The following PDE1A variants were observed in gnomAD, a reference collection of about 807,000 sequenced individuals.
PDE1A encodes the protein dual specificity calcium/calmodulin-dependent 3',5'-cyclic nucleotide phosphodiesterase 1A.
PDE1A carries 35 observed loss-of-function variants against 61.7 expected under a neutral mutation model. The observed-to-expected ratio is 0.57, with a 90% CI of 0.43 to 0.75. PDE1A has a LOEUF of 0.75. PDE1A is among the 30% of genes least tolerant of loss of function. The pLI is 0.00. For missense variants in PDE1A, 597 were observed against 630.6 expected, an observed-to-expected ratio of 0.95 and a Z score of 0.57; for synonymous variants, 232 against 213.2, an observed-to-expected ratio of 1.09 and a Z score of -0.77.
intron 1 of PDE1A, among the ~76,000 whole-genome samples, chr2:182,398,673 C>T (rs575351763): frequency 6.6e-6 from 1 of 152,114 alleles, no homozygotes; most frequent in South Asian, 2.1e-4. Context: ...CCACAAGTGA[C>T]TACTTATATA....
chr2:182,150,350 A>G (rs1414903450), intron 13 of PDE1A, among the ~76,000 whole-genome samples: 1 of 152,148 alleles, frequency 6.6e-6, no homozygotes, highest in Non-Finnish European at 1.5e-5. Flanking sequence ...TCTACAATGC[A>G]GATCATAAAT....
chr2:182,530,365 A>C, the PDE1A span, among the ~76,000 whole-genome samples: 1 of 152,148 alleles, frequency 6.6e-6, no homozygotes, highest in Non-Finnish European at 1.5e-5. Context: ...GGGAAAACTC[A>C]AAGAAATAAT....
chr2:182,214,419 A>G (rs1389838082), intron 7 of PDE1A, among the ~76,000 whole-genome samples: 1 of 151,866 alleles, frequency 6.6e-6, no homozygotes, highest in Non-Finnish European at 1.5e-5. Flanking sequence ...TAACAATATT[A>G]ACTTTAAATG....
chr2:182,362,168 A>C (rs1188140023), intron 1 of PDE1A, among the ~76,000 whole-genome samples: 1 of 152,058 alleles, frequency 6.6e-6, no homozygotes. Flanking sequence ...GAAAAGTATT[A>C]GCAAGAAGAA....
chr2:182,695,666 CAAAAAAA>C, the PDE1A span, among the ~76,000 whole-genome samples: 1 of 32,902 alleles, frequency 3.0e-5, no homozygotes, highest in Non-Finnish European at 6.0e-5. Flanking sequence ...GGCCCTCTCT[CAAAAAAA>C]AAAAAAAAAA....
At chr2:182,633,070 C>G in the PDE1A span, among the ~76,000 whole-genome samples, 1 of 152,132 alleles carries the variant, frequency 6.6e-6, no homozygotes, top group Non-Finnish European at 1.5e-5. Flanking sequence ...CATGTTGGCT[C>G]CATTTGCTCC....
intron 2 of PDE1A, among the ~76,000 whole-genome samples, chr2:182,484,587 T>C (rs1484848802): frequency 1.3e-5 from 2 of 151,440 alleles, no homozygotes; most frequent in African/African-American, 4.9e-5. Context: ...ACCTAGAAAA[T>C]GGAAGAAAAT....
At chr2:182,703,150 G>A in the PDE1A span, among the ~76,000 whole-genome samples, 6 of 152,144 alleles carry the variant, frequency 3.9e-5, no homozygotes, top group Non-Finnish European at 7.4e-5. Context: ...TGGGTAAGTA[G>A]TCAAGTTATA....
chr2:182,245,169 T>C (rs899391282), intron 2 of PDE1A, among the ~76,000 whole-genome samples: 2 of 152,194 alleles, frequency 1.3e-5, no homozygotes, highest in Non-Finnish European at 2.9e-5. Context: ...AAAGCCACAA[T>C]CTCAGGCACC....
chr2:182,576,239 C>T, the PDE1A span, among the ~76,000 whole-genome samples: 6 of 152,052 alleles, frequency 3.9e-5, no homozygotes, highest in Non-Finnish European at 5.9e-5. Flanking sequence ...TCCCTAAGCA[C>T]CTAGTAACCA....
intron 1 of PDE1A, among the ~76,000 whole-genome samples, chr2:182,397,197 A>G (rs1701754912): frequency 6.6e-6 from 1 of 152,198 alleles, no homozygotes; most frequent in Non-Finnish European, 1.5e-5. Context: ...CAGCAAACTC[A>G]AAATATGTAG....
chr2:182,176,054 T>G (rs1692740123), intron 13 of PDE1A, among the ~76,000 whole-genome samples: 1 of 149,572 alleles, frequency 6.7e-6, no homozygotes. Context: ...ATCTCTGTTT[T>G]GGTACCAGTA....
At chr2:182,449,359 G>A (rs918273982) in intron 2 of PDE1A, among the ~76,000 whole-genome samples, 2 of 151,634 alleles carry the variant, frequency 1.3e-5, no homozygotes, top group African/African-American at 4.8e-5. Context: ...GGAAGGAAGG[G>A]AGGGAGGGAG....
At chr2:182,419,374 C>T (rs1232621632) in intron 1 of PDE1A, among the ~76,000 whole-genome samples, 42 of 140,710 alleles carry the variant, frequency 3.0e-4, no homozygotes, top group African/African-American at 9.3e-4. Context: ...CTCACTCTGT[C>T]GCCCAGGCTG....
chr2:182,586,020 T>C, the PDE1A span, among the ~76,000 whole-genome samples: 1 of 152,168 alleles, frequency 6.6e-6, no homozygotes, highest in African/African-American at 2.4e-5. Flanking sequence ...TATAGAATAA[T>C]GTATACCTAT....
chr2:182,400,825 T>C (rs1701960787), intron 1 of PDE1A, among the ~76,000 whole-genome samples: 1 of 152,218 alleles, frequency 6.6e-6, no homozygotes. Context: ...TTTCCTGCTC[T>C]AAACTCGTCA....
chr2:182,407,290 C>T (rs898621437), intron 1 of PDE1A, among the ~76,000 whole-genome samples: 3 of 152,290 alleles, frequency 2.0e-5, no homozygotes, highest in South Asian at 4.1e-4. Flanking sequence ...GTGTATTATA[C>T]TTGGTAAACA....
the PDE1A span, among the ~76,000 whole-genome samples, chr2:182,590,446 C>A: frequency 1.3e-5 from 2 of 151,694 alleles, no homozygotes; most frequent in African/African-American, 2.4e-5. Flanking sequence ...CCAGCCTGGG[C>A]AACATAGCCA....
At chr2:182,689,178 T>G in the PDE1A span, among the ~76,000 whole-genome samples, 1 of 152,144 alleles carries the variant, frequency 6.6e-6, no homozygotes, top group African/African-American at 2.4e-5. Context: ...CCAAGCAGAC[T>G]TAATAGACAT....
Sources: allele counts gnomAD v4.1 joint callset (sites outside exome capture counted in the v4.1 genomes callset), GRCh38; gene constraint gnomAD v4.1.1; transcripts MANE v1.5; gene names NCBI Gene and HGNC (gene_info 2026-07-23, HGNC 2026-07-21).